HLCS: variants seen among roughly 807,000 people sequenced by gnomAD.
HLCS encodes the protein holocarboxylase synthetase, also known as biotin--protein ligase.
HLCS carries 53 observed loss-of-function variants against 75.0 expected under a neutral mutation model. The ratio of observed to expected loss-of-function variants is 0.71; its 90% confidence interval spans 0.57 to 0.89. The LOEUF is 0.89. Ranked by LOEUF, HLCS falls within the 40% of genes least tolerant of loss-of-function variation. The pLI is 0.00. For synonymous variants in HLCS, 431 were observed against 428.6 expected (o/e 1.01, Z -0.07); for missense variants, 966 against 1,074.0 (o/e 0.90, Z 1.41).
chr21:36,954,064 G>A (rs945302599), intron 2 of HLCS, among the ~76,000 whole-genome samples: 1 of 152,282 alleles, frequency 6.6e-6, no homozygotes, highest in East Asian at 1.9e-4. Context: ...CCAGCACTTT[G>A]GGAGGCCGAG....
intron 4 of HLCS, among the ~76,000 whole-genome samples, chr21:36,934,604 CTCTT>C (rs1006049890): frequency 1.3e-5 from 2 of 152,206 alleles, no homozygotes; most frequent in African/African-American, 4.8e-5. Flanking sequence ...AACATTTCCT[CTCTT>C]TCTTTATTAT....
At chr21:36,897,153 G>A in intron 5 of HLCS, 22 bp from the exon 6 acceptor site, 1 of 1,613,810 alleles carries the variant, frequency 6.2e-7, no homozygotes, top group South Asian at 1.1e-5. Flanking sequence ...AGAAAGAAAT[G>A]AGATGGTCGT....
chr21:36,928,402 C>G (rs766031211), intron 5 of HLCS, among the ~76,000 whole-genome samples: 18 of 152,062 alleles, frequency 1.2e-4, no homozygotes, highest in Non-Finnish European at 2.5e-4. Context: ...AACCCTGTCT[C>G]TACAAAAAGT....
At chr21:36,755,215 A>T (rs1330732860) in intron 10 of HLCS, among the ~76,000 whole-genome samples, 1 of 152,042 alleles carries the variant, frequency 6.6e-6, no homozygotes. Flanking sequence ...TGGGCAATAT[A>T]GTGAGACCCT....
At chr21:36,812,396 G>C (rs1027713911) in intron 6 of HLCS, among the ~76,000 whole-genome samples, 1 of 152,048 alleles carries the variant, frequency 6.6e-6, no homozygotes, top group Non-Finnish European at 1.5e-5. Flanking sequence ...TGTCACTTAC[G>C]GTACGCTTTA....
chr21:36,803,830 C>T (rs553326372), intron 6 of HLCS, among the ~76,000 whole-genome samples: 5 of 151,436 alleles, frequency 3.3e-5, no homozygotes, highest in South Asian at 2.1e-4. Context: ...CAGGTAGAAT[C>T]GGGCAATTTG....
At chr21:36,848,265 A>ATTG (rs1289285405) in intron 6 of HLCS, among the ~76,000 whole-genome samples, 1 of 143,536 alleles carries the variant, frequency 7.0e-6, no homozygotes, top group African/African-American at 2.7e-5. Context: ...TGCCCACATA[A>ATTG]TTGTTGTTTT....
At position 36,895,094 on chromosome 21, in the gene HLCS, C is replaced by T. The variant is rs564025156; in HGVS notation, c.1892+1766G>A. On this transcript the variant is annotated intron_variant, in intron 6 of 10. Coordinates refer to ENST00000674895, the MANE Select transcript of HLCS (RefSeq NM_001352514.2). The stretch of plus-strand genomic sequence containing the variant: ...CTCTTGGTGACACGCTGCCTGGCCA[C>T]GAGCTCCAGGACCACACTTCCAAGG... 9.2e-5 allele frequency among the ~76,000 whole-genome samples: 14 copies of T among 152,126 alleles called. No homozygotes were observed. The East Asian group carries it at 2.7e-3, about 29-fold the overall frequency.
At chr21:36,906,543 A>C (rs538051906) in intron 5 of HLCS, among the ~76,000 whole-genome samples, 1 of 152,254 alleles carries the variant, frequency 6.6e-6, no homozygotes, top group African/African-American at 2.4e-5. Flanking sequence ...AAAACACAAA[A>C]AGAAAATTAA....
chr21:36,844,463 T>TATAA (rs925606552), intron 6 of HLCS, among the ~76,000 whole-genome samples: 50 of 152,080 alleles, frequency 3.3e-4, no homozygotes, highest in South Asian at 8.3e-4. Flanking sequence ...TTGATTAAAA[T>TATAA]ATAAATAAAT....
intron 6 of HLCS, among the ~76,000 whole-genome samples, chr21:36,880,935 A>C (rs535745867): frequency 6.6e-5 from 10 of 150,928 alleles, no homozygotes; most frequent in Non-Finnish European, 1.5e-5. Context: ...TTGGGTTGGA[A>C]GCGATGCCAG....
At chr21:36,791,649 T>G (rs2145880276) in intron 6 of HLCS, among the ~76,000 whole-genome samples, 1 of 151,814 alleles carries the variant, frequency 6.6e-6, no homozygotes, top group Admixed American at 6.6e-5. Flanking sequence ...TAGGGGGTGA[T>G]GGGGAATATG....
intron 6 of HLCS, among the ~76,000 whole-genome samples, chr21:36,774,900 C>A (rs147346321): frequency 5.8e-4 from 88 of 152,328 alleles, no homozygotes; most frequent in African/African-American, 1.9e-3. Flanking sequence ...GATAATAGAA[C>A]AGTTTTATTG....
intron 8 of HLCS, 138 bp downstream of exon 8, chr21:36,764,874 G>A (rs1026155585): frequency 6.6e-6 from 6 of 903,878 alleles, no homozygotes; most frequent in Non-Finnish European, 1.1e-5. Flanking sequence ...AAAACTCCGA[G>A]AGCACTTTGC....
intron 6 of HLCS, among the ~76,000 whole-genome samples, chr21:36,848,921 G>C (rs983062981): frequency 1.8e-4 from 28 of 152,262 alleles, no homozygotes; most frequent in African/African-American, 6.5e-4. Flanking sequence ...AATAACATTT[G>C]GCAGACACCG....
chr21:36,755,204 C>A (rs548174268), intron 10 of HLCS, among the ~76,000 whole-genome samples: 1 of 151,944 alleles, frequency 6.6e-6, no homozygotes, highest in Non-Finnish European at 1.5e-5. Context: ...CAAGACCAGC[C>A]TGGGCAATAT....
At chr21:36,909,978 C>A (rs961660570) in intron 5 of HLCS, among the ~76,000 whole-genome samples, 1 of 152,180 alleles carries the variant, frequency 6.6e-6, no homozygotes, top group Non-Finnish European at 1.5e-5. Flanking sequence ...GTCATAACAT[C>A]GTAAGTTGCT....
chr21:36,896,952 T>C lies in HLCS; in HGVS notation c.1800A>G (p.Leu600=), dbSNP rs770056622. 6.2e-7 allele frequency: 1 copy of C among 1,614,046 alleles called. No homozygotes were observed. The highest frequency in any genetic ancestry group is 8.5e-7 in the Non-Finnish European group (1 of 1,179,908). ...TCTGCAGATTTTGGCGATAGATCTC[T>C]AAGTTGAAATGTTCTGATGAGAAGG... ...MEAFSSEHFN[L]EIYRQNLQTK... The change falls in exon 6 of 11, where the codon TTA becomes TTG. Residue 600 remains leucine, a synonymous_variant. Transcript: ENST00000674895.
upstream of HLCS, among the ~76,000 whole-genome samples, chr21:36,968,068 G>GGA (rs1222229474): frequency 1.3e-5 from 2 of 152,146 alleles, no homozygotes; most frequent in African/African-American, 2.4e-5. Context: ...CGCCCAGGCT[G>GGA]GAGTGCCGTG....
Sources: allele counts gnomAD v4.1 joint callset (sites outside exome capture counted in the v4.1 genomes callset), GRCh38; gene constraint gnomAD v4.1.1; transcripts MANE v1.5; gene names NCBI Gene and HGNC (gene_info 2026-07-23, HGNC 2026-07-21).